CSMD3: variants seen among roughly 807,000 people sequenced by gnomAD.
CSMD3 encodes the protein CUB and sushi domain-containing protein 3.
Under a neutral mutation model 435.2 loss-of-function variants are expected in CSMD3, and 177 were observed. That is an observed-to-expected ratio of 0.41 (90% CI 0.36 to 0.46). The LOEUF (loss-of-function observed/expected upper bound fraction) is 0.46, where lower values mean the gene tolerates loss of function less well. Ranked by LOEUF, CSMD3 falls within the 20% of genes least tolerant of loss-of-function variation. The probability of loss-of-function intolerance (pLI) is 0.34; values close to 1 mark genes in which losing one functional copy is unlikely to be tolerated. For missense variants in CSMD3, 4,265 were observed against 4,504.6 expected (o/e 0.95, Z 1.52); for synonymous variants, 1,656 against 1,520.5 (o/e 1.09, Z -2.07).
At chr8:112,909,324 AT>A (rs1028108049) in intron 10 of CSMD3, among the ~76,000 whole-genome samples, 2 of 151,704 alleles carry the variant, frequency 1.3e-5, no homozygotes, top group African/African-American at 4.8e-5. Context: ...AACTAAAAAA[AT>A]ATGTACTAGT....
At chr8:113,263,177 T>C (rs1225646273) in intron 3 of CSMD3, among the ~76,000 whole-genome samples, 4 of 151,876 alleles carry the variant, frequency 2.6e-5, no homozygotes, top group African/African-American at 9.7e-5. Flanking sequence ...AATAAAGTCT[T>C]CAACTGAAAG....
At chr8:112,258,272 T>G (rs1391235200) in intron 61 of CSMD3, among the ~76,000 whole-genome samples, 3 of 152,138 alleles carry the variant, frequency 2.0e-5, no homozygotes, top group Non-Finnish European at 4.4e-5. Flanking sequence ...AAGCCAAATT[T>G]GACAAATGGG....
intron 24 of CSMD3, among the ~76,000 whole-genome samples, chr8:112,557,892 C>A (rs563720170): frequency 6.6e-6 from 1 of 152,010 alleles, no homozygotes; most frequent in Non-Finnish European, 1.5e-5. Context: ...ATTTATAGCT[C>A]GTCAGTCAGA....
intron 4 of CSMD3, among the ~76,000 whole-genome samples, chr8:113,111,264 G>A (rs1001195601): frequency 7.2e-5 from 11 of 152,016 alleles, no homozygotes; most frequent in African/African-American, 1.7e-4. Context: ...GGGGTACAGC[G>A]TGATGTTTTA....
intron 10 of CSMD3, among the ~76,000 whole-genome samples, chr8:112,891,179 T>G (rs1365519034): frequency 6.6e-6 from 1 of 151,568 alleles, no homozygotes; most frequent in Non-Finnish European, 1.5e-5. Flanking sequence ...CTACTCGATG[T>G]GTGATCTGCA....
At chr8:113,412,568 T>C (rs2094564279) in intron 1 of CSMD3, among the ~76,000 whole-genome samples, 1 of 152,138 alleles carries the variant, frequency 6.6e-6, no homozygotes, top group African/African-American at 2.4e-5. Context: ...AAAGATGATA[T>C]ATCAACTTCA....
chr8:112,377,245 A>C (rs1214467768), intron 38 of CSMD3, among the ~76,000 whole-genome samples: 2 of 151,784 alleles, frequency 1.3e-5, no homozygotes, highest in African/African-American at 4.8e-5. Context: ...AAAATTGAAT[A>C]ACCCAGAAAA....
intron 2 of CSMD3, among the ~76,000 whole-genome samples, chr8:113,281,706 G>A (rs2093614240): frequency 6.6e-6 from 1 of 151,838 alleles, no homozygotes; most frequent in Non-Finnish European, 1.5e-5. Flanking sequence ...CGTGCACTTT[G>A]TTGCCTGTGT....
intron 27 of CSMD3, among the ~76,000 whole-genome samples, chr8:112,528,154 G>C (rs1000150410): frequency 6.6e-6 from 1 of 151,876 alleles, no homozygotes; most frequent in African/African-American, 2.4e-5. Context: ...TTTTAATTGA[G>C]TTTTTTTGTA....
intron 6 of CSMD3, among the ~76,000 whole-genome samples, chr8:112,996,463 T>C (rs1287787058): frequency 6.6e-6 from 1 of 151,712 alleles, no homozygotes; most frequent in African/African-American, 2.4e-5. Flanking sequence ...TTAGTATTTC[T>C]GGGAGAAATG....
chr8:112,676,492 T>C (rs571137249), intron 16 of CSMD3, among the ~76,000 whole-genome samples: 2 of 152,246 alleles, frequency 1.3e-5, no homozygotes, highest in East Asian at 3.9e-4. Context: ...TAAATAATTG[T>C]ATAACTTTAA....
At chr8:112,686,875 C>T (rs540092089) in intron 14 of CSMD3, among the ~76,000 whole-genome samples, 5 of 152,030 alleles carry the variant, frequency 3.3e-5, no homozygotes, top group African/African-American at 9.6e-5. Context: ...TTTTTCAAGT[C>T]GAGTTTTTAA....
chr8:112,692,419 T>C (rs1424615764), intron 13 of CSMD3, among the ~76,000 whole-genome samples: 1 of 152,170 alleles, frequency 6.6e-6, no homozygotes, highest in Non-Finnish European at 1.5e-5. Flanking sequence ...GTTGCTGCTT[T>C]CTAATGTTGT....
chr8:113,019,201 C>T (rs767635951), intron 5 of CSMD3, 22 bp from the exon 6 acceptor site: 3 of 1,524,898 alleles, frequency 2.0e-6, no homozygotes, highest in Non-Finnish European at 2.7e-6. Flanking sequence ...AAGACAACAA[C>T]AAAAAAATTT....
chr8:112,726,075 C>T (rs2076957863), intron 13 of CSMD3, among the ~76,000 whole-genome samples: 1 of 151,852 alleles, frequency 6.6e-6, no homozygotes, highest in Non-Finnish European at 1.5e-5. Flanking sequence ...AGAATGAACG[C>T]AGGAGGAACT....
At chr8:113,356,277 A>G (rs2094227119) in intron 1 of CSMD3, among the ~76,000 whole-genome samples, 1 of 152,136 alleles carries the variant, frequency 6.6e-6, no homozygotes, top group Admixed American at 6.6e-5. Flanking sequence ...AAATTCTTAA[A>G]TTAATGCATA....
At chr8:113,401,724 A>G (rs1477393378) in intron 1 of CSMD3, among the ~76,000 whole-genome samples, 1 of 151,642 alleles carries the variant, frequency 6.6e-6, no homozygotes, top group African/African-American at 2.4e-5. Context: ...GGACTGCATA[A>G]CAATATTTCT....
chr8:112,406,318 T>C (rs988777503), intron 35 of CSMD3, among the ~76,000 whole-genome samples: 5 of 152,094 alleles, frequency 3.3e-5, no homozygotes, highest in African/African-American at 1.2e-4. Context: ...TTTAGCTAAT[T>C]CAACACAAAT....
chr8:112,272,394 T>C (rs1817605115), intron 59 of CSMD3, among the ~76,000 whole-genome samples: 2 of 152,144 alleles, frequency 1.3e-5, no homozygotes, highest in African/African-American at 2.4e-5. Context: ...AACTGGCCTA[T>C]AGTAACCATA....
Sources: allele counts gnomAD v4.1 joint callset (sites outside exome capture counted in the v4.1 genomes callset), GRCh38; gene constraint gnomAD v4.1.1; transcripts MANE v1.5; gene names NCBI Gene and HGNC (gene_info 2026-07-23, HGNC 2026-07-21).